GRIN2A: variants seen among roughly 807,000 people sequenced by gnomAD.
GRIN2A encodes the protein glutamate receptor ionotropic, NMDA 2A.
In GRIN2A, 22 loss-of-function variants were observed where a neutral mutation model predicts 113.4. That is an observed-to-expected ratio of 0.19 (90% CI 0.14 to 0.28). GRIN2A has a LOEUF of 0.28. GRIN2A is among the 10% of genes least tolerant of loss of function. The pLI, the probability that GRIN2A is intolerant of heterozygous loss-of-function variation, is 1.00. For synonymous variants in GRIN2A, 827 were observed against 738.4 expected (o/e 1.12, Z -1.94); for missense variants, 1,502 against 1,887.0 (o/e 0.80, Z 3.78).
At chr16:10,084,698 C>G (rs1448523421) in intron 2 of GRIN2A, among the ~76,000 whole-genome samples, 1 of 151,894 alleles carries the variant, frequency 6.6e-6, no homozygotes, top group Non-Finnish European at 1.5e-5. Flanking sequence ...CCTCATCTGA[C>G]TTTTCTAGTA....
At chr16:10,025,189 T>C (rs1376606653) in intron 2 of GRIN2A, among the ~76,000 whole-genome samples, 1 of 151,656 alleles carries the variant, frequency 6.6e-6, no homozygotes, top group Non-Finnish European at 1.5e-5. Flanking sequence ...TTACTAATGG[T>C]GCAGCTGAAT....
intron 2 of GRIN2A, among the ~76,000 whole-genome samples, chr16:10,051,028 G>A (rs1051537271): frequency 6.6e-6 from 1 of 152,178 alleles, no homozygotes; most frequent in African/African-American, 2.4e-5. Flanking sequence ...TAAGACTCGA[G>A]AGCATGTCCC....
intron 11 of GRIN2A, among the ~76,000 whole-genome samples, chr16:9,777,611 G>A (rs2267779): frequency 0.21 from 32,061 of 152,200 alleles, 4,012 homozygotes; most frequent in East Asian, 0.54. Flanking sequence ...ATGTTTCACC[G>A]CCACCTTCCA....
chr16:10,097,835 A>C (rs1185333528), intron 2 of GRIN2A, among the ~76,000 whole-genome samples: 2 of 152,352 alleles, frequency 1.3e-5, no homozygotes, highest in East Asian at 3.9e-4. Flanking sequence ...AAAACCATAA[A>C]AATTCTAGAA....
chr16:9,813,647 G>A (rs1444717837), intron 10 of GRIN2A, among the ~76,000 whole-genome samples: 26 of 144,734 alleles, frequency 1.8e-4, no homozygotes, highest in Non-Finnish European at 3.4e-4. Flanking sequence ...ATCCTTTAAC[G>A]TTGTTTTAAT....
chr16:10,152,384 G>T (rs1014050550), intron 2 of GRIN2A, among the ~76,000 whole-genome samples: 2 of 152,150 alleles, frequency 1.3e-5, no homozygotes, highest in African/African-American at 4.8e-5. Flanking sequence ...TCATGGAAAT[G>T]GTTTATTTTT....
rs74853460 is a variant in GRIN2A at position 10,180,124 on chromosome 16, G to C, written c.288C>G (p.His96Gln). The change falls in exon 2 of 13, where the codon CAC becomes CAG. Residue 96 changes from histidine (H) to glutamine (Q), a missense_variant. Around this residue, in one of 7 missense-constraint regions of GRIN2A, gnomAD observed 149 missense variants for 179.1 expected, o/e 0.83. Coordinates refer to ENST00000330684, the MANE Select transcript of GRIN2A (RefSeq NM_001134407.3). The surrounding 1 kb of genome is among the most constrained non-coding windows in gnomAD (Gnocchi z 7.0). ...CCGTGTCGTCCCCAAACACGAGGCC[G>C]TGGATGCGTGCCCCGGACATGAGGT... Reference protein sequence around the residue: ...VCDLMSGARIHGLVFGDDTDQ... With the variant: ...VCDLMSGARIQGLVFGDDTDQ... 3.1e-6 allele frequency: 5 copies of C among 1,614,230 alleles called. No individual in the cohort carries two copies. In the Admixed American group the frequency reaches 8.3e-5, roughly 27 times the overall value.
intron 2 of GRIN2A, among the ~76,000 whole-genome samples, chr16:10,103,262 T>C (rs1470197896): frequency 6.6e-6 from 1 of 152,158 alleles, no homozygotes; most frequent in African/African-American, 2.4e-5. Flanking sequence ...TAAGCTGATG[T>C]ATCACAGCCT....
At chr16:10,011,771 G>A (rs1257541062) in intron 2 of GRIN2A, among the ~76,000 whole-genome samples, 1 of 152,106 alleles carries the variant, frequency 6.6e-6, no homozygotes, top group Non-Finnish European at 1.5e-5. Context: ...CTTTGTGGCG[G>A]GATGACGTTC....
intron 2 of GRIN2A, among the ~76,000 whole-genome samples, chr16:10,046,725 G>A (rs1199792380): frequency 6.6e-6 from 1 of 152,074 alleles, no homozygotes; most frequent in East Asian, 1.9e-4. Flanking sequence ...TTTTGAGATT[G>A]TGTAATGGTC....
chr16:9,859,827 A>G (rs2043032884), intron 4 of GRIN2A, among the ~76,000 whole-genome samples: 1 of 152,072 alleles, frequency 6.6e-6, no homozygotes, highest in Non-Finnish European at 1.5e-5. Flanking sequence ...CTCCCATGGA[A>G]CCTAATTCTC....
At chr16:9,772,135 T>A (rs1901310979) in intron 11 of GRIN2A, among the ~76,000 whole-genome samples, 1 of 152,168 alleles carries the variant, frequency 6.6e-6, no homozygotes, top group Non-Finnish European at 1.5e-5. Flanking sequence ...GAAGAGGGTA[T>A]CTTGATTCAA....
In GRIN2A at chr16:9,833,710, C is replaced by T. The variant is rs138259762; in HGVS notation, c.1777+395G>A. 1.6e-4 allele frequency among the ~76,000 whole-genome samples: 25 copies of T among 152,286 alleles called. No individual in the cohort carries two copies. In the East Asian group the frequency reaches 2.7e-3, roughly 16 times the overall value. On this transcript the variant is annotated intron_variant, in intron 8 of 12. Transcript: ENST00000330684. ...AACCATTCATACAATGGTACACCAA[C>T]GCAGTATAATGTATTCTTTGTGTGT...
intron 2 of GRIN2A, among the ~76,000 whole-genome samples, chr16:10,099,739 T>C (rs2048357470): frequency 6.6e-6 from 1 of 152,190 alleles, no homozygotes; most frequent in Admixed American, 6.5e-5. Context: ...AGAAGATACC[T>C]TCAGGACCCT....
At chr16:9,850,012 C>G (rs1251225965) in intron 4 of GRIN2A, 51 bp from the exon 5 acceptor site, 2 of 1,497,196 alleles carry the variant, frequency 1.3e-6, no homozygotes, top group East Asian at 2.3e-5. Flanking sequence ...CCGCTGATTT[C>G]TGGAGAGGCA....
At chr16:9,786,395 C>T (rs1327360736) in intron 11 of GRIN2A, among the ~76,000 whole-genome samples, 2 of 152,162 alleles carry the variant, frequency 1.3e-5, no homozygotes, top group Admixed American at 1.3e-4. Flanking sequence ...TCCCACGGTG[C>T]TGGGGCCTGA....
chr16:10,000,039 C>T (rs2046293807), intron 2 of GRIN2A, among the ~76,000 whole-genome samples: 1 of 152,084 alleles, frequency 6.6e-6, no homozygotes, highest in Non-Finnish European at 1.5e-5. Context: ...CCTCATTATT[C>T]CACCTCTGTT....
At chr16:9,936,091 G>A (rs914184095) in intron 3 of GRIN2A, among the ~76,000 whole-genome samples, 1 of 152,178 alleles carries the variant, frequency 6.6e-6, no homozygotes, top group Non-Finnish European at 1.5e-5. Context: ...GTGCTAAACA[G>A]TACTTTTCAT....
In GRIN2A at chr16:9,763,968, G is replaced by A. The variant is rs768172880; in HGVS notation, c.3576C>T (p.Thr1192=). The A allele has an allele frequency of 6.2e-7, 1 of 1,614,162 alleles. No individual in the cohort carries two copies. Among genetic ancestry groups the A allele is most frequent in the Non-Finnish European group, 8.5e-7 (1 of 1,180,012 alleles). Residue 1192 remains threonine, a synonymous_variant, in exon 13 of 13, where the codon ACC becomes ACT. Transcript: ENST00000330684. ...DQYKLYSKHF[T]LKDKGSPHSE... ...TGTGCGGGGAACCCTTGTCTTTCAAGGTGAAGTGCTTGGAGTAGAGTTTAT... is the reference window on the plus strand; with the variant it reads ...TGTGCGGGGAACCCTTGTCTTTCAAAGTGAAGTGCTTGGAGTAGAGTTTAT...
Sources: allele counts gnomAD v4.1 joint callset (sites outside exome capture counted in the v4.1 genomes callset), GRCh38; gene constraint gnomAD v4.1.1; regional missense constraint gnomAD v4.1.1; non-coding constraint Gnocchi (gnomAD v3.1); transcripts MANE v1.5; gene names NCBI Gene and HGNC (gene_info 2026-07-23, HGNC 2026-07-21).